RPIA: variants seen among roughly 807,000 people sequenced by gnomAD.
The protein encoded by RPIA is ribose 5-phosphate isomerase A, also known as ribose-5-phosphate isomerase.
Under a neutral mutation model 37.8 loss-of-function variants are expected in RPIA, and 29 were observed. That is an observed-to-expected ratio of 0.77 (90% CI 0.57 to 1.05). The LOEUF (loss-of-function observed/expected upper bound fraction) is 1.05. RPIA is among the 50% of genes least tolerant of loss of function. The pLI is 0.00. For missense variants in RPIA, 385 were observed against 413.6 expected (o/e 0.93, Z 0.60); for synonymous variants, 167 against 157.0 (o/e 1.06, Z -0.48).
intron 1 of RPIA, among the ~76,000 whole-genome samples, chr2:88,693,951 C>T (rs1318995790): frequency 6.6e-6 from 1 of 152,200 alleles, no homozygotes; most frequent in African/African-American, 2.4e-5. Context: ...TAGCCTCATC[C>T]CTTTGTTCTC....
At chr2:88,720,245 T>G (rs1327749840) in intron 3 of RPIA, among the ~76,000 whole-genome samples, 1 of 140,286 alleles carries the variant, frequency 7.1e-6, no homozygotes, top group Non-Finnish European at 1.6e-5. Context: ...AAAAAAAATT[T>G]GTCTCAGTTT....
intron 1 of RPIA, among the ~76,000 whole-genome samples, chr2:88,696,024 G>A (rs554061587): frequency 6.6e-6 from 1 of 151,976 alleles, no homozygotes; most frequent in African/African-American, 2.4e-5. Context: ...CATATCTAAT[G>A]TGAGGCCTAG....
rs1673293400 is a variant in RPIA, at chr2:88,734,616, G to A, written c.527G>A (p.Gly176Glu). The A allele has an allele frequency of 6.2e-7, 1 of 1,614,046 alleles. No homozygotes were observed. Among genetic ancestry groups the A allele is most frequent in the Admixed American group, 1.7e-5 (1 of 60,008 alleles). Residue 176 changes from glycine to glutamate, a missense_variant and splice_region_variant, in exon 5 of 9, where the codon GGA becomes GAA. Around this residue, in one of 2 missense-constraint regions of RPIA, gnomAD observed 153 missense variants for 210.6 expected, o/e 0.73. Transcript: ENST00000283646. The stretch of plus-strand genomic sequence containing the variant: ...GATCTCAATCTCATCAAGGGTGGCG[G>A]GTGAGTGTTGTGGGGGCTTCTGTGC... ...DADLNLIKGG[G>E]GCLTQEKIVA... is the part of the protein sequence containing the mutation.
chr2:88,723,171 A>G (rs1343227940), intron 3 of RPIA, among the ~76,000 whole-genome samples: 3 of 152,322 alleles, frequency 2.0e-5, no homozygotes, highest in East Asian at 1.9e-4. Context: ...AACCCTAACA[A>G]TATGATCACC....
At chr2:88,745,719 T>C (rs1673431194) in intron 8 of RPIA, among the ~76,000 whole-genome samples, 1 of 152,224 alleles carries the variant, frequency 6.6e-6, no homozygotes, top group Non-Finnish European at 1.5e-5. Flanking sequence ...ATTCTTTCCT[T>C]TGTCTTACTT....
chr2:88,722,762 G>A (rs1673149789), intron 3 of RPIA, among the ~76,000 whole-genome samples: 1 of 152,172 alleles, frequency 6.6e-6, no homozygotes, highest in Non-Finnish European at 1.5e-5. Flanking sequence ...AGAAGAATCT[G>A]CCCATGACTC....
At chr2:88,712,856 T>G (rs1176986069) in intron 3 of RPIA, among the ~76,000 whole-genome samples, 1 of 151,786 alleles carries the variant, frequency 6.6e-6, no homozygotes, top group African/African-American at 2.4e-5. Flanking sequence ...TGGGTTGCCC[T>G]TGCTTCTTCT....
intron 1 of RPIA, among the ~76,000 whole-genome samples, chr2:88,695,167 A>G (rs1358603206): frequency 1.3e-5 from 2 of 152,106 alleles, no homozygotes; most frequent in East Asian, 3.9e-4. Context: ...CATAGCCTTT[A>G]TAAGCTGGTA....
chr2:88,708,578 C>A (rs1672924145), intron 3 of RPIA, among the ~76,000 whole-genome samples: 1 of 152,264 alleles, frequency 6.6e-6, no homozygotes, highest in Middle Eastern at 3.4e-3. Flanking sequence ...CTGAGTATAG[C>A]ACCTTTCAAT....
At chr2:88,704,292 A>G (rs1672872690) in intron 3 of RPIA, among the ~76,000 whole-genome samples, 1 of 152,204 alleles carries the variant, frequency 6.6e-6, no homozygotes, top group Non-Finnish European at 1.5e-5. Flanking sequence ...ATAAAGACAT[A>G]CCTGAGACTG....
At chr2:88,735,402 C>T (rs751817147) in intron 5 of RPIA, among the ~76,000 whole-genome samples, 2 of 152,198 alleles carry the variant, frequency 1.3e-5, no homozygotes, top group Non-Finnish European at 2.9e-5. Flanking sequence ...ACACAATGCT[C>T]CCTCTCAGAC....
At position 88,738,136 on chromosome 2, in the gene RPIA, A is replaced by G. The variant is rs6742233; in HGVS notation, c.838+60A>G. 4.1e-4 allele frequency: 485 copies of G among 1,184,202 alleles called. 4 individuals are homozygous for G. The African/African-American group carries it at 6.8e-3, about 17-fold the overall frequency. 73.4% of individuals were successfully genotyped at this position (1,184,202 alleles called of 1,614,324 possible). A position where few individuals can be genotyped will look rare whatever the true frequency, so the allele number is the denominator to read the frequency against. On this transcript the variant is annotated intron_variant, in intron 8 of 8. Coordinates refer to ENST00000283646, the MANE Select transcript of RPIA (RefSeq NM_144563.3). ...CCCATGGCCTTCATAACTGGCCCCT[A>G]CATCTGGCCACAGAAGGCACAATGG...
chr2:88,710,167 C>G (rs957946072), intron 3 of RPIA, among the ~76,000 whole-genome samples: 3 of 152,178 alleles, frequency 2.0e-5, no homozygotes, highest in East Asian at 1.9e-4. Flanking sequence ...CTGCCTCAGC[C>G]TCCTGAGTAG....
intron 7 of RPIA, among the ~76,000 whole-genome samples, chr2:88,737,161 G>A (rs1673324888): frequency 6.6e-6 from 1 of 152,080 alleles, no homozygotes; most frequent in South Asian, 2.1e-4. Flanking sequence ...CTCTCCAGAT[G>A]GTCCAAATTT....
chr2:88,694,288 G>T (rs1676983418), intron 1 of RPIA, among the ~76,000 whole-genome samples: 1 of 152,190 alleles, frequency 6.6e-6, no homozygotes. Flanking sequence ...AGAGCTTTAG[G>T]TCTGGCAGGG....
At chr2:88,713,120 A>ATATATATATATAT (rs1041923467) in intron 3 of RPIA, among the ~76,000 whole-genome samples, 1 of 65,294 alleles carries the variant, frequency 1.5e-5, no homozygotes, top group African/African-American at 7.9e-5. Flanking sequence ...ATATATATAT[A>ATATATATATATAT]TTTTTTTTTT....
chr2:88,694,626 C>A (rs1373473028), intron 1 of RPIA, among the ~76,000 whole-genome samples: 2 of 152,102 alleles, frequency 1.3e-5, no homozygotes, highest in African/African-American at 4.8e-5. Flanking sequence ...GCTTTAGGGC[C>A]CAAAGCAGGC....
chr2:88,739,773 A>G (rs1053817995), intron 8 of RPIA, among the ~76,000 whole-genome samples: 3 of 152,114 alleles, frequency 2.0e-5, no homozygotes, highest in Admixed American at 6.6e-5. Context: ...ACACACCACC[A>G]GGACCGGCTA....
chr2:88,714,929 C>G (rs1420578808), intron 3 of RPIA, among the ~76,000 whole-genome samples: 2 of 152,180 alleles, frequency 1.3e-5, no homozygotes, highest in African/African-American at 2.4e-5. Flanking sequence ...TTGACCTTCT[C>G]TAGAGAATCA....
Sources: allele counts gnomAD v4.1 joint callset (sites outside exome capture counted in the v4.1 genomes callset), GRCh38; gene constraint gnomAD v4.1.1; regional missense constraint gnomAD v4.1.1; transcripts MANE v1.5; gene names NCBI Gene and HGNC (gene_info 2026-07-23, HGNC 2026-07-21).